TMEM11: variants seen among roughly 807,000 people sequenced by gnomAD.
The protein encoded by TMEM11 is transmembrane protein 11.
In TMEM11, 1 loss-of-function variant was observed where a neutral mutation model predicts 17.0. The ratio of observed to expected loss-of-function variants is 0.06; its 90% CI spans 0.02 to 0.28. The LOEUF is 0.28. Among genes scored for constraint, TMEM11 ranks in the 10% least tolerant of loss-of-function variants. TMEM11 has a pLI of 1.00. For synonymous variants in TMEM11, 122 were observed against 118.1 expected, an observed-to-expected ratio of 1.03 and a Z score of -0.21; for missense variants, 172 against 252.9, an observed-to-expected ratio of 0.68 and a Z score of 2.17.
intron 1 of TMEM11, among the ~76,000 whole-genome samples, chr17:21,204,941 C>T (rs564507900): frequency 1.3e-5 from 2 of 152,220 alleles, no homozygotes; most frequent in African/African-American, 4.8e-5. Context: ...CGCTCTCTGC[C>T]GCCTCAGGAT....
At chr17:21,205,283 G>A (rs1974930441) in intron 1 of TMEM11, among the ~76,000 whole-genome samples, 1 of 152,178 alleles carries the variant, frequency 6.6e-6, no homozygotes, top group African/African-American at 2.4e-5. Context: ...CAGGAGCGGG[G>A]AGAGCAGAAT....
chr17:21,210,849 T>C (rs1207427889), intron 1 of TMEM11: 1 of 1,185,874 alleles, frequency 8.4e-7, no homozygotes, highest in Non-Finnish European at 1.1e-6. Context: ...ACACCCCAGG[T>C]TGCCTCATAT....
intron 1 of TMEM11, among the ~76,000 whole-genome samples, chr17:21,203,412 T>C (rs1974904820): frequency 6.6e-6 from 1 of 152,202 alleles, no homozygotes; most frequent in African/African-American, 2.4e-5. Flanking sequence ...TGCACTTCTC[T>C]TACTTCAGAA....
intron 1 of TMEM11, chr17:21,210,951 G>T: frequency 7.8e-7 from 1 of 1,284,354 alleles, no homozygotes; most frequent in South Asian, 1.2e-5. Context: ...AACAATCACG[G>T]AGGGCTCTGG....
At chr17:21,202,847 G>A (rs577538688) in intron 1 of TMEM11, among the ~76,000 whole-genome samples, 4 of 152,334 alleles carry the variant, frequency 2.6e-5, no homozygotes, top group Admixed American at 2.6e-4. Context: ...TGGACATGGG[G>A]GCACTCGCCA....
Position 21,198,405 on chromosome 17 carries a change from G to C in TMEM11, c.498C>G (p.His166Gln), listed in dbSNP as rs970114538. The C allele has an allele frequency of 6.2e-7, 1 of 1,614,234 alleles. No individual in the cohort carries two copies. ...PVVLVRKDDL[H>Q]RKRLHNTIAL... ...CTATCGTGTTGTGCAGTCTCTTTCT[G>C]TGCAGGTCGTCCTTCCGGACCAGCA... The change falls in exon 2 of 2, where the codon CAC (histidine) becomes CAG (glutamine). Residue 166 changes from histidine to glutamine, a missense_variant. By Grantham distance (24) the His-to-Gln change is conservative (BLOSUM62 0). Transcript: ENST00000317635. The surrounding 1 kb of genome is among the most constrained non-coding windows in gnomAD (Gnocchi z 6.5).
At chr17:21,204,704 T>C (rs1000594335) in intron 1 of TMEM11, among the ~76,000 whole-genome samples, 3 of 152,172 alleles carry the variant, frequency 2.0e-5, no homozygotes, top group Admixed American at 2.0e-4. Flanking sequence ...TTCTAGTAAA[T>C]GACTTTTGAT....
chr17:21,210,830 G>T, intron 1 of TMEM11: 1 of 1,095,618 alleles, frequency 9.1e-7, no homozygotes, highest in Non-Finnish European at 1.2e-6. Context: ...CGTGCATCTG[G>T]CCCTCTGCAC....
intron 1 of TMEM11, among the ~76,000 whole-genome samples, chr17:21,207,918 G>C (rs1974960349): frequency 6.6e-6 from 1 of 151,692 alleles, no homozygotes. Context: ...ATCAACAGTG[G>C]TTTTCTTTGG....
intron 1 of TMEM11, among the ~76,000 whole-genome samples, chr17:21,204,579 A>G (rs746226829): frequency 6.6e-6 from 1 of 151,900 alleles, no homozygotes; most frequent in East Asian, 1.9e-4. Context: ...AAAAGTCTCT[A>G]TTTGCTTTTA....
intron 1 of TMEM11, among the ~76,000 whole-genome samples, chr17:21,207,653 C>T (rs904122719): frequency 7.3e-5 from 11 of 151,364 alleles, no homozygotes; most frequent in Middle Eastern, 6.9e-3. Flanking sequence ...TTTGGGAGGC[C>T]GAGGCGGGCG....
At chr17:21,212,872 T>TAAGA (rs34318000) in intron 1 of TMEM11, among the ~76,000 whole-genome samples, 51,221 of 152,000 alleles carry the variant, frequency 0.34, 8,616 homozygotes, top group Middle Eastern at 0.38. Flanking sequence ...TGGTCCAATC[T>TAAGA]AATACCAGGC....
At chr17:21,203,952 T>G (rs1203584705) in intron 1 of TMEM11, among the ~76,000 whole-genome samples, 1 of 41,662 alleles carries the variant, frequency 2.4e-5, no homozygotes, top group Admixed American at 2.0e-4. Context: ...TGGGAGATCT[T>G]TTTTTTTCCT....
chr17:21,212,381 T>C (rs1362759350), intron 1 of TMEM11, among the ~76,000 whole-genome samples: 1 of 105,256 alleles, frequency 9.5e-6, no homozygotes, highest in Admixed American at 9.8e-5. Context: ...GTCAGGTGAT[T>C]TGAGTCAAGC....
chr17:21,210,966 T>A, intron 1 of TMEM11: 2 of 1,288,618 alleles, frequency 1.6e-6, no homozygotes, highest in Non-Finnish European at 2.0e-6. Context: ...CTCTGGGAGG[T>A]TCAGGGGCCC....
chr17:21,214,086 C>A lies in TMEM11; in HGVS notation c.62+5G>T. ...CACTGGGGGCAACAAGCCCTTGGAT[C>A]TCACCTCTCTCGGGCGCTGCCGCCA... On this transcript the variant is annotated splice_donor_5th_base_variant and intron_variant, in intron 1 of 1. Transcript: ENST00000317635. 1 of 1,609,480 alleles carries A rather than the reference C, an allele frequency of 6.2e-7. No individual in the cohort carries two copies. The highest frequency in any genetic ancestry group is 8.5e-7 in the Non-Finnish European group (1 of 1,179,044).
chr17:21,210,813 T>C, intron 1 of TMEM11: 1 of 1,023,148 alleles, frequency 9.8e-7, no homozygotes, highest in Non-Finnish European at 1.3e-6. Context: ...ACCTGAACTT[T>C]TAGCCCCGTG....
rs575453785 is a variant in TMEM11 at position 21,202,936 on chromosome 17, C to T, written c.63-4096G>A. 2.3e-4 allele frequency among the ~76,000 whole-genome samples: 35 copies of T among 152,376 alleles called. No homozygotes were observed. In the South Asian group the frequency reaches 6.0e-3, roughly 26 times the overall value. On this transcript the variant is annotated intron_variant, in intron 1 of 1. Coordinates refer to ENST00000317635, the MANE Select transcript of TMEM11 (RefSeq NM_003876.3). ...TGGCCCCGGCCTCCTGCAGCCTCGG[C>T]GTCTTCATATGGGCTGGGCACTGTT...
In TMEM11 at chr17:21,198,899, G is replaced by A. The variant is rs76130205; in HGVS notation, c.63-59C>T. 8.9e-3 allele frequency: 13,752 copies of A among 1,552,646 alleles called. 115 individuals carry two copies. The highest frequency in any genetic ancestry group is 0.028 in the South Asian group (2,315 of 81,718). On this transcript the variant is annotated intron_variant, in intron 1 of 1. Coordinates refer to ENST00000317635, the MANE Select transcript of TMEM11 (RefSeq NM_003876.3). The surrounding 1 kb of genome is among the most constrained non-coding windows in gnomAD (Gnocchi z 6.5). Reference sequence around the variant, plus strand: ...GAGAGAGACAGGATGATTAGGCTGAGGAGCACTTAACTGTGTTTCAGCGCT... The same window carrying A: ...GAGAGAGACAGGATGATTAGGCTGAAGAGCACTTAACTGTGTTTCAGCGCT...
Sources: allele counts gnomAD v4.1 joint callset (sites outside exome capture counted in the v4.1 genomes callset), GRCh38; gene constraint gnomAD v4.1.1; non-coding constraint Gnocchi (gnomAD v3.1); transcripts MANE v1.5; gene names NCBI Gene and HGNC (gene_info 2026-07-23, HGNC 2026-07-21).